TMEM135: variants seen among roughly 807,000 people sequenced by gnomAD.
The protein encoded by TMEM135 is transmembrane protein 135.
In TMEM135, 30 loss-of-function variants were observed where a neutral mutation model predicts 60.3. That is an observed-to-expected ratio of 0.50 (90% confidence interval 0.37 to 0.68). The LOEUF is 0.68. Ranked by LOEUF, TMEM135 falls within the 30% of genes least tolerant of loss-of-function variation. TMEM135 has a pLI of 0.00. For missense variants in TMEM135, 468 were observed against 548.8 expected (o/e 0.85, Z 1.47); for synonymous variants, 190 against 186.7 (o/e 1.02, Z -0.14).
intron 2 of TMEM135, among the ~76,000 whole-genome samples, chr11:87,068,233 A>G (rs1856704884): frequency 6.6e-6 from 1 of 152,212 alleles, no homozygotes; most frequent in Middle Eastern, 3.2e-3. Context: ...TTTGTAAAAC[A>G]GTAAGTTAAC....
At chr11:87,309,725 G>A in intron 10 of TMEM135, 53 bp downstream of exon 10, 4 of 1,579,340 alleles carry the variant, frequency 2.5e-6, no homozygotes, top group Non-Finnish European at 2.6e-6. Flanking sequence ...CATTGCTATT[G>A]TTAGAATGAG....
At chr11:87,195,776 C>T (rs1939941825) in intron 5 of TMEM135, among the ~76,000 whole-genome samples, 1 of 152,148 alleles carries the variant, frequency 6.6e-6, no homozygotes, top group South Asian at 2.1e-4. Context: ...TTTCATCCTA[C>T]AGTTGCTTAG....
At chr11:87,195,630 G>A (rs1939937328) in intron 5 of TMEM135, among the ~76,000 whole-genome samples, 1 of 151,948 alleles carries the variant, frequency 6.6e-6, no homozygotes, top group Non-Finnish European at 1.5e-5. Flanking sequence ...GGCTGTTCTC[G>A]AACTCCCAAC....
chr11:87,160,414 A>G (rs1938840259), intron 5 of TMEM135, among the ~76,000 whole-genome samples: 1 of 152,202 alleles, frequency 6.6e-6, no homozygotes, highest in South Asian at 2.1e-4. Flanking sequence ...TCTCCAAGGG[A>G]GAAATTACAC....
At chr11:87,317,270 G>A (rs1590868291) in intron 12 of TMEM135, among the ~76,000 whole-genome samples, 1 of 152,034 alleles carries the variant, frequency 6.6e-6, no homozygotes, top group Non-Finnish European at 1.5e-5. Flanking sequence ...ACATTTCTGT[G>A]ACGCAGTTCT....
chr11:87,182,160 G>GT (rs1939533284), intron 5 of TMEM135, among the ~76,000 whole-genome samples: 1 of 151,898 alleles, frequency 6.6e-6, no homozygotes, highest in East Asian at 1.9e-4. Context: ...TGTTTAGTGT[G>GT]TTTGCATTTC....
intron 3 of TMEM135, among the ~76,000 whole-genome samples, chr11:87,081,046 G>A (rs1856981994): frequency 6.6e-6 from 1 of 151,068 alleles, no homozygotes; most frequent in Non-Finnish European, 1.5e-5. Flanking sequence ...TTTGCAGAGT[G>A]TATTTCTTTC....
chr11:87,126,583 G>A (rs1456997194), intron 4 of TMEM135, among the ~76,000 whole-genome samples: 1 of 139,654 alleles, frequency 7.2e-6, no homozygotes, highest in African/African-American at 2.6e-5. Context: ...GTTTTGTTTT[G>A]CTTTGCTTTT....
chr11:87,318,438 T>TTAA (rs1215129928), intron 13 of TMEM135, among the ~76,000 whole-genome samples: 1 of 152,076 alleles, frequency 6.6e-6, no homozygotes, highest in African/African-American at 2.4e-5. Flanking sequence ...CGCTAGGTCC[T>TTAA]TTTTATGAGT....
At chr11:87,245,170 T>A (rs1565500093) in intron 6 of TMEM135, among the ~76,000 whole-genome samples, 1 of 150,388 alleles carries the variant, frequency 6.6e-6, no homozygotes, top group African/African-American at 2.5e-5. Context: ...TTTGAGTGAG[T>A]TTCTTAATCC....
chr11:87,163,923 A>G (rs907845737), intron 5 of TMEM135, among the ~76,000 whole-genome samples: 5,579 of 148,424 alleles, frequency 0.038, 329 homozygotes, highest in African/African-American at 0.13. Context: ...AATTCATTGT[A>G]GATTCTGGAT....
chr11:87,163,440 T>G (rs1436317760), intron 5 of TMEM135, among the ~76,000 whole-genome samples: 62 of 148,068 alleles, frequency 4.2e-4, no homozygotes, highest in African/African-American at 1.5e-3. Flanking sequence ...TCTATCATTG[T>G]TGGACATTTG....
At chr11:87,302,540 A>T (rs1161580419) in intron 8 of TMEM135, 98 bp downstream of exon 8, 1 of 1,475,132 alleles carries the variant, frequency 6.8e-7, no homozygotes, top group Non-Finnish European at 9.4e-7. Flanking sequence ...TCAGGTAATG[A>T]TGATCATTTT....
intron 1 of TMEM135, among the ~76,000 whole-genome samples, chr11:87,044,207 A>T (rs1949775087): frequency 6.6e-6 from 1 of 152,084 alleles, no homozygotes; most frequent in South Asian, 2.1e-4. Flanking sequence ...GCCAGAGTTG[A>T]AATTTCTAGG....
rs774274535 is a variant in TMEM135, at chr11:87,326,423, G to A, written c.*5090G>A. On this transcript the variant is annotated 3_prime_UTR_variant, in exon 15 of 15. Coordinates refer to ENST00000305494, the MANE Select transcript of TMEM135 (RefSeq NM_022918.4). Reference sequence around the variant, plus strand: ...AGTGTCTATTAAACTTTTTCCAGTAGTTAATCGATCTCTTAAATTAATTTT... The same window carrying A: ...AGTGTCTATTAAACTTTTTCCAGTAATTAATCGATCTCTTAAATTAATTTT... 1 of 454,030 alleles carries A rather than the reference G, an allele frequency of 2.2e-6. No homozygotes were observed. Among genetic ancestry groups the A allele is most frequent in the South Asian group, 1.6e-5 (1 of 64,466 alleles). The allele number at this position is 454,030 out of a possible 1,614,324, so 28.1% of individuals were successfully genotyped here. A position where few individuals can be genotyped will look rare whatever the true frequency, so the allele number is the denominator to read the frequency against.
At chr11:87,108,597 T>G (rs1857659573) in intron 4 of TMEM135, among the ~76,000 whole-genome samples, 1 of 152,186 alleles carries the variant, frequency 6.6e-6, no homozygotes, top group Non-Finnish European at 1.5e-5. Flanking sequence ...GGGCTTAGTT[T>G]GTCTTTTTCT....
At chr11:87,080,697 A>AT in intron 3 of TMEM135, among the ~76,000 whole-genome samples, 1 of 151,524 alleles carries the variant, frequency 6.6e-6, no homozygotes, top group South Asian at 2.1e-4. Context: ...TTTATTTCTT[A>AT]TTTTTTTGAG....
At chr11:87,087,069 T>A (rs1010010868) in intron 3 of TMEM135, among the ~76,000 whole-genome samples, 11 of 152,152 alleles carry the variant, frequency 7.2e-5, no homozygotes, top group Admixed American at 2.0e-4. Context: ...GAGCCATCAT[T>A]TGAGGCTCCG....
intron 2 of TMEM135, among the ~76,000 whole-genome samples, chr11:87,070,447 AG>A (rs1456035046): frequency 6.6e-6 from 1 of 152,094 alleles, no homozygotes; most frequent in African/African-American, 2.4e-5. Context: ...GTTCGAGACC[AG>A]CCTGACCAAC....
Sources: gnomAD v4.1 joint callset for allele counts (sites outside exome capture counted in the v4.1 genomes callset) on GRCh38, gnomAD v4.1.1 for gene constraint, MANE v1.5 for transcripts, NCBI Gene and HGNC (gene_info 2026-07-23, HGNC 2026-07-21) for gene names.